Variants in IMMP1L observed in about 807,000 individuals in gnomAD.
IMMP1L encodes the protein mitochondrial inner membrane protease subunit 1.
In IMMP1L, 24 loss-of-function variants were observed where a neutral mutation model predicts 21.8. That is an observed-to-expected ratio of 1.10 (90% confidence interval 0.80 to 1.55). IMMP1L has a LOEUF of 1.55. Ranked by LOEUF, IMMP1L falls within the 40% of genes most tolerant of loss-of-function variation. IMMP1L has a pLI of 0.00. For missense variants in IMMP1L, 195 were observed against 200.7 expected (o/e 0.97, Z 0.17); for synonymous variants, 46 against 62.8 (o/e 0.73, Z 1.26).
chr11:31,433,748 T>C, intron 4 of IMMP1L, 178 bp from the exon 5 acceptor site: 1 of 440,684 alleles, frequency 2.3e-6, no homozygotes, highest in Non-Finnish European at 4.0e-6. Flanking sequence ...TTTTACTAAA[T>C]ATCAAAGGTT....
chr11:31,499,107 G>A (rs1955538680), intron 1 of IMMP1L, among the ~76,000 whole-genome samples: 1 of 152,148 alleles, frequency 6.6e-6, no homozygotes, highest in Admixed American at 6.6e-5. Flanking sequence ...GGCTTACACT[G>A]TAATCCCAGC....
chr11:31,484,356 A>G (rs556282440), intron 1 of IMMP1L, among the ~76,000 whole-genome samples: 1 of 152,070 alleles, frequency 6.6e-6, no homozygotes, highest in South Asian at 2.1e-4. Flanking sequence ...ATTTACACAA[A>G]AAGTACCTTA....
intron 4 of IMMP1L, among the ~76,000 whole-genome samples, chr11:31,446,551 C>G (rs766071455): frequency 2.0e-5 from 3 of 152,174 alleles, no homozygotes; most frequent in Non-Finnish European, 4.4e-5. Flanking sequence ...GACTACCATG[C>G]TTGGCTTATA....
chr11:31,506,108 G>C (rs2133842505), intron 1 of IMMP1L, among the ~76,000 whole-genome samples: 1 of 152,110 alleles, frequency 6.6e-6, no homozygotes, highest in African/African-American at 2.4e-5. Flanking sequence ...CCCCAACTGT[G>C]AACTCAAAGA....
intron 4 of IMMP1L, among the ~76,000 whole-genome samples, chr11:31,440,484 A>G (rs566752091): frequency 3.3e-5 from 5 of 152,210 alleles, no homozygotes; most frequent in African/African-American, 1.2e-4. Flanking sequence ...TCTGCCTCCC[A>G]GGCTCAAGCG....
intron 1 of IMMP1L, among the ~76,000 whole-genome samples, chr11:31,488,459 G>T (rs1363448353): frequency 6.6e-6 from 1 of 152,104 alleles, no homozygotes; most frequent in Non-Finnish European, 1.5e-5. Context: ...GAGAATTCAG[G>T]TCAGAGAAGA....
chr11:31,486,491 T>C (rs751911126), intron 1 of IMMP1L, among the ~76,000 whole-genome samples: 2 of 151,980 alleles, frequency 1.3e-5, no homozygotes, highest in Non-Finnish European at 2.9e-5. Flanking sequence ...TCTCAAACTA[T>C]ATGTCACTTT....
Position 31,432,505 on chromosome 11 carries a change from C to T in IMMP1L, c.496G>A (p.Asp166Asn), listed in dbSNP as rs1257180319. The change falls in exon 6 of 6, where the codon GAT (aspartate) becomes AAT (asparagine). Residue 166 changes from aspartate to asparagine, a missense_variant. Physicochemically the swap from Asp to Asn is conservative, Grantham distance 23. Transcript: ENST00000532287. The part of the protein sequence containing the change: ...ASPNGHRFSD[D>N] ...GTCAAAAGAATAAATGCTTACTAAT[C>T]ATCAGAAAATCTGTGGCCATTAGGG... 8.7e-6 allele frequency: 14 copies of T among 1,609,102 alleles called. No homozygotes were observed. Among genetic ancestry groups the T allele is most frequent in the Non-Finnish European group, 1.2e-5 (14 of 1,176,234 alleles).
intron 4 of IMMP1L, among the ~76,000 whole-genome samples, chr11:31,443,383 A>C (rs1041804023): frequency 6.6e-6 from 1 of 152,192 alleles, no homozygotes; most frequent in African/African-American, 2.4e-5. Flanking sequence ...AGATACAATA[A>C]ATAGAAGGGA....
intron 4 of IMMP1L, among the ~76,000 whole-genome samples, chr11:31,438,525 T>G (rs1953201248): frequency 6.6e-6 from 1 of 152,128 alleles, no homozygotes; most frequent in Non-Finnish European, 1.5e-5. Context: ...GAGGTCCAAT[T>G]CATACTTTTT....
intron 1 of IMMP1L, among the ~76,000 whole-genome samples, chr11:31,506,966 A>C (rs1211446392): frequency 6.6e-6 from 1 of 150,766 alleles, no homozygotes; most frequent in African/African-American, 2.4e-5. Context: ...CTAAAAAGAA[A>C]ACAAAAAACA....
At chr11:31,479,699 G>A (rs1038764619) in intron 1 of IMMP1L, among the ~76,000 whole-genome samples, 14 of 151,886 alleles carry the variant, frequency 9.2e-5, no homozygotes, top group South Asian at 6.2e-4. Flanking sequence ...TATTGATTAC[G>A]TATTGAAAAT....
intron 1 of IMMP1L, chr11:31,477,418 G>T: frequency 2.6e-6 from 1 of 384,288 alleles, no homozygotes; most frequent in Non-Finnish European, 3.6e-6. Context: ...GTTTGTATAT[G>T]TCTTGCATAA....
chr11:31,492,648 A>G (rs1026498895), intron 1 of IMMP1L, among the ~76,000 whole-genome samples: 4 of 152,154 alleles, frequency 2.6e-5, no homozygotes, highest in African/African-American at 9.7e-5. Flanking sequence ...ACACTTAAAG[A>G]CCACTTTAAA....
intron 4 of IMMP1L, among the ~76,000 whole-genome samples, chr11:31,440,749 T>C (rs748301020): frequency 6.6e-6 from 1 of 152,194 alleles, no homozygotes; most frequent in Non-Finnish European, 1.5e-5. Context: ...CAGTGAAGAC[T>C]AAAATTTTTG....
At chr11:31,502,624 T>C (rs1453834448) in intron 1 of IMMP1L, among the ~76,000 whole-genome samples, 1 of 152,186 alleles carries the variant, frequency 6.6e-6, no homozygotes, top group African/African-American at 2.4e-5. Context: ...CGAAGGGAAA[T>C]TGATCACATC....
intron 1 of IMMP1L, among the ~76,000 whole-genome samples, chr11:31,487,522 G>T (rs1044987588): frequency 6.6e-6 from 1 of 152,068 alleles, no homozygotes; most frequent in Non-Finnish European, 1.5e-5. Flanking sequence ...CAACATGAAG[G>T]TCCATGATAG....
At chr11:31,499,457 G>A (rs983202407) in intron 1 of IMMP1L, among the ~76,000 whole-genome samples, 1 of 152,068 alleles carries the variant, frequency 6.6e-6, no homozygotes, top group Non-Finnish European at 1.5e-5. Flanking sequence ...CTGAGAAAAG[G>A]AGTGAAAGGC....
chr11:31,472,953 C>A (rs957078549), intron 1 of IMMP1L, among the ~76,000 whole-genome samples: 4 of 152,174 alleles, frequency 2.6e-5, no homozygotes, highest in African/African-American at 9.7e-5. Flanking sequence ...GCAATCTCCG[C>A]CTCCCAGGTT....
Sources: gnomAD v4.1 joint callset for allele counts (sites outside exome capture counted in the v4.1 genomes callset) on GRCh38, gnomAD v4.1.1 for gene constraint, MANE v1.5 for transcripts, NCBI Gene and HGNC (gene_info 2026-07-23, HGNC 2026-07-21) for gene names.